The following FER variants were observed in gnomAD, a reference collection of about 807,000 sequenced individuals.
The protein encoded by FER is tyrosine-protein kinase Fer.
A neutral mutation model predicts 111.0 loss-of-function variants in FER; 63 were observed. The ratio of observed to expected loss-of-function variants is 0.57; its 90% CI spans 0.46 to 0.70. FER has a LOEUF of 0.70. Among genes scored for constraint, FER ranks in the 30% least tolerant of loss-of-function variants. The pLI is 0.00. For synonymous variants in FER, 327 were observed against 313.9 expected, an observed-to-expected ratio of 1.04 and a Z score of -0.44; for missense variants, 914 against 954.0, an observed-to-expected ratio of 0.96 and a Z score of 0.55.
intron 10 of FER, among the ~76,000 whole-genome samples, chr5:108,929,362 T>C (rs1754240056): frequency 6.6e-6 from 1 of 152,196 alleles, no homozygotes; most frequent in Non-Finnish European, 1.5e-5. Context: ...GAACAAAGTA[T>C]AAATACTTTA....
rs1249487433 is a variant in FER, at chr5:109,189,838, C to CA, written c.*2264dup. 2.0e-5 allele frequency: 3 copies of CA among 152,160 alleles called. No individual in the cohort carries two copies. The East Asian group carries it at 5.8e-4, about 29-fold the overall frequency. The allele number at this position is 152,160 out of a possible 1,614,324, so 9.4% of individuals were successfully genotyped here. On this transcript the variant is annotated 3_prime_UTR_variant, in exon 20 of 20. Transcript: ENST00000281092. ...GACATTCTGGTGTTAAGAATGAACACAGCATTGATATTTCACTTATCCAGG... is the reference window on the plus strand; with the variant it reads ...GACATTCTGGTGTTAAGAATGAACACAAGCATTGATATTTCACTTATCCAGG...
intron 17 of FER, among the ~76,000 whole-genome samples, chr5:109,130,550 AAAT>A (rs1215445075): frequency 6.6e-6 from 1 of 152,188 alleles, no homozygotes; most frequent in Non-Finnish European, 1.5e-5. Context: ...AAATTAGTTT[AAAT>A]AATAACTCAA....
At chr5:109,136,604 T>A (rs1752924263) in intron 17 of FER, among the ~76,000 whole-genome samples, 1 of 152,186 alleles carries the variant, frequency 6.6e-6, no homozygotes, top group South Asian at 2.1e-4. Flanking sequence ...CATATACAGA[T>A]TTTCATTTGA....
intron 13 of FER, among the ~76,000 whole-genome samples, chr5:108,968,868 A>G (rs1760250668): frequency 1.3e-5 from 2 of 152,294 alleles, no homozygotes; most frequent in South Asian, 4.1e-4. Context: ...AAATAAAAAT[A>G]TTGGCAATGG....
chr5:108,902,949 CTTT>C (rs1750250028), intron 10 of FER, among the ~76,000 whole-genome samples: 1 of 151,394 alleles, frequency 6.6e-6, no homozygotes, highest in Non-Finnish European at 1.5e-5. Flanking sequence ...GTTCTTCATT[CTTT>C]TTTTAGTTAT....
chr5:108,783,249 C>A (rs1754302290), intron 2 of FER, among the ~76,000 whole-genome samples: 1 of 152,158 alleles, frequency 6.6e-6, no homozygotes, highest in Non-Finnish European at 1.5e-5. Flanking sequence ...TACTATTGAG[C>A]CTATCTAGCT....
intron 10 of FER, among the ~76,000 whole-genome samples, chr5:108,938,190 A>C (rs1755782796): frequency 6.6e-6 from 1 of 151,824 alleles, no homozygotes; most frequent in Non-Finnish European, 1.5e-5. Flanking sequence ...AAGCAATGAG[A>C]TCCAAAGTTA....
chr5:109,132,170 T>G (rs1272973097), intron 17 of FER, among the ~76,000 whole-genome samples: 1 of 152,120 alleles, frequency 6.6e-6, no homozygotes, highest in African/African-American at 2.4e-5. Flanking sequence ...ACTTAAAAAT[T>G]ACCCAATTCC....
chr5:109,165,897 A>G (rs567673760), intron 17 of FER, among the ~76,000 whole-genome samples: 37 of 152,296 alleles, frequency 2.4e-4, no homozygotes, highest in African/African-American at 8.2e-4. Context: ...CTGGCTGTCT[A>G]TCAATAAACA....
intron 13 of FER, among the ~76,000 whole-genome samples, chr5:108,963,675 G>C (rs766088977): frequency 5.9e-5 from 9 of 152,176 alleles, no homozygotes; most frequent in Non-Finnish European, 1.3e-4. Context: ...CTTTTTACCA[G>C]AATGTCATAT....
chr5:108,855,485 G>T (rs1054075992), intron 5 of FER, among the ~76,000 whole-genome samples: 10 of 151,814 alleles, frequency 6.6e-5, no homozygotes, highest in African/African-American at 2.4e-4. Context: ...GCCGGGCGCG[G>T]TGGTGGGCGC....
intron 13 of FER, among the ~76,000 whole-genome samples, chr5:109,005,618 G>C (rs140853737): frequency 1.3e-5 from 2 of 152,316 alleles, no homozygotes; most frequent in African/African-American, 2.4e-5. Flanking sequence ...AGTTGGAAAA[G>C]AATTCTGGTT....
chr5:108,794,095 ATTCT>A (rs1214776285), intron 2 of FER, among the ~76,000 whole-genome samples: 1 of 152,018 alleles, frequency 6.6e-6, no homozygotes, highest in Non-Finnish European at 1.5e-5. Flanking sequence ...ATGTGATAAT[ATTCT>A]TTGTTTTTTT....
chr5:109,068,412 G>C (rs998403841), intron 16 of FER, among the ~76,000 whole-genome samples: 1 of 152,112 alleles, frequency 6.6e-6, no homozygotes, highest in African/African-American at 2.4e-5. Context: ...TCGAACTCCT[G>C]ACCTTGTGAT....
chr5:108,841,758 G>T (rs1028125008), intron 5 of FER: 12 of 326,528 alleles, frequency 3.7e-5, no homozygotes, highest in Non-Finnish European at 5.9e-6. Context: ...TGAGAGCCAA[G>T]TGGGAGGTCT....
chr5:109,017,366 TA>T (rs1470821799), intron 13 of FER, among the ~76,000 whole-genome samples: 7 of 152,144 alleles, frequency 4.6e-5, no homozygotes, highest in Admixed American at 6.6e-5. Context: ...ACATTACAAA[TA>T]CAAAACATAT....
chr5:108,935,446 T>G (rs1413452033), intron 10 of FER, among the ~76,000 whole-genome samples: 1 of 152,092 alleles, frequency 6.6e-6, no homozygotes, highest in East Asian at 1.9e-4. Context: ...CTGTTTGATC[T>G]CATGTTGAGA....
intron 13 of FER, among the ~76,000 whole-genome samples, chr5:108,977,626 G>C (rs1265805730): frequency 6.6e-6 from 1 of 151,962 alleles, no homozygotes; most frequent in Non-Finnish European, 1.5e-5. Flanking sequence ...TTTCAGTTTT[G>C]GTCTTTGTTA....
chr5:109,170,876 A>T (rs1757028667), intron 17 of FER, among the ~76,000 whole-genome samples: 1 of 152,166 alleles, frequency 6.6e-6, no homozygotes, highest in African/African-American at 2.4e-5. Context: ...GGCTAGATTC[A>T]TCTGGCTAGT....
Sources: allele counts gnomAD v4.1 joint callset (sites outside exome capture counted in the v4.1 genomes callset), GRCh38; gene constraint gnomAD v4.1.1; transcripts MANE v1.5; gene names NCBI Gene and HGNC (gene_info 2026-07-23, HGNC 2026-07-21).